Variants in CPQ observed in about 807,000 individuals in gnomAD.
CPQ encodes the protein carboxypeptidase Q, also known as Ser-Met dipeptidase.
Under a neutral mutation model 45.7 loss-of-function variants are expected in CPQ, and 37 were observed. The ratio of observed to expected loss-of-function variants is 0.81; its 90% CI spans 0.62 to 1.07. The LOEUF (loss-of-function observed/expected upper bound fraction) is 1.07. Ranked by LOEUF, CPQ falls within the 50% of genes least tolerant of loss-of-function variation. The probability of loss-of-function intolerance (pLI) is 0.00; values close to 1 mark genes in which losing one functional copy is unlikely to be tolerated. For missense variants in CPQ, 537 were observed against 572.9 expected, an observed-to-expected ratio of 0.94 and a Z score of 0.64; for synonymous variants, 186 against 205.8, an observed-to-expected ratio of 0.90 and a Z score of 0.82.
intron 7 of CPQ, among the ~76,000 whole-genome samples, chr8:97,108,307 C>A (rs1001505029): frequency 2.0e-5 from 3 of 152,194 alleles, no homozygotes; most frequent in African/African-American, 7.2e-5. Flanking sequence ...GCCATTTTCT[C>A]CTGACTTATG....
chr8:96,834,950 T>A (rs761275937), intron 2 of CPQ, 23 bp from the exon 3 acceptor site: 4 of 1,605,436 alleles, frequency 2.5e-6, no homozygotes, highest in Admixed American at 3.4e-5. Flanking sequence ...TGTAAGTTAA[T>A]CTTGCATGAC....
intron 1 of CPQ, among the ~76,000 whole-genome samples, chr8:96,676,624 G>T (rs990377863): frequency 6.6e-6 from 1 of 152,032 alleles, no homozygotes; most frequent in Non-Finnish European, 1.5e-5. Flanking sequence ...ACATGAAAAT[G>T]TAGGTATCCC....
chr8:97,069,713 T>G (rs1014512481), intron 7 of CPQ, among the ~76,000 whole-genome samples: 2 of 152,184 alleles, frequency 1.3e-5, no homozygotes, highest in Non-Finnish European at 2.9e-5. Context: ...AAATAATATT[T>G]CTAAACTCCA....
At chr8:96,771,109 ATATATT>A (rs1289567839) in intron 1 of CPQ, among the ~76,000 whole-genome samples, 1 of 146,358 alleles carries the variant, frequency 6.8e-6, no homozygotes, top group Non-Finnish European at 1.5e-5. Context: ...ATATAAATAT[ATATATT>A]TATATATTTT....
intron 3 of CPQ, among the ~76,000 whole-genome samples, chr8:96,853,942 G>C (rs1280761811): frequency 2.6e-5 from 4 of 152,174 alleles, no homozygotes; most frequent in Non-Finnish European, 5.9e-5. Flanking sequence ...AGGCCTCTGA[G>C]CCAGCCTAAT....
chr8:96,760,265 T>G (rs1256751181), intron 1 of CPQ, among the ~76,000 whole-genome samples: 1 of 152,206 alleles, frequency 6.6e-6, no homozygotes, highest in African/African-American at 2.4e-5. Flanking sequence ...GGACTAATAT[T>G]TACTGAATGC....
intron 1 of CPQ, among the ~76,000 whole-genome samples, chr8:96,706,807 A>AT (rs887436527): frequency 6.6e-5 from 10 of 152,038 alleles, no homozygotes; most frequent in East Asian, 5.8e-4. Context: ...GTCTTTCCAC[A>AT]TTTTTTTGCA....
chr8:97,120,262 C>T (rs2130605768), intron 7 of CPQ, among the ~76,000 whole-genome samples: 1 of 152,244 alleles, frequency 6.6e-6, no homozygotes, highest in South Asian at 2.1e-4. Context: ...AGGTGCAGCC[C>T]ATTTATAGAC....
At chr8:97,060,721 C>A (rs571760217) in intron 6 of CPQ, among the ~76,000 whole-genome samples, 4 of 152,144 alleles carry the variant, frequency 2.6e-5, no homozygotes, top group Admixed American at 6.6e-5. Flanking sequence ...TATCTTGTTA[C>A]ATGTGCTAAA....
chr8:96,837,770 A>G (rs868841433), intron 3 of CPQ, among the ~76,000 whole-genome samples: 1 of 151,760 alleles, frequency 6.6e-6, no homozygotes, highest in Non-Finnish European at 1.5e-5. Flanking sequence ...TTCAGTTTCA[A>G]TTTTTTTCAA....
At chr8:96,934,932 C>T (rs931254516) in intron 4 of CPQ, among the ~76,000 whole-genome samples, 3 of 152,180 alleles carry the variant, frequency 2.0e-5, no homozygotes, top group African/African-American at 7.2e-5. Flanking sequence ...ATGCAGCCTA[C>T]ATTTCTCTCT....
In CPQ at chr8:96,853,341, A is replaced by G. The variant is rs113026228; in HGVS notation, c.641+18161A>G. The stretch of plus-strand genomic sequence containing the variant: ...CATTATATTCTTAACATATTCTGAG[A>G]ACAGGAAGAGAAAGCTCAACCTTTA... On this transcript the variant is annotated intron_variant, in intron 3 of 7. Transcript: ENST00000220763. Among the ~76,000 whole-genome samples the G allele has an allele frequency of 7.8e-3, 1,185 of 152,328 alleles. 12 individuals carry two copies. The highest frequency in any genetic ancestry group is 0.027 in the African/African-American group (1,106 of 41,568).
intron 3 of CPQ, among the ~76,000 whole-genome samples, chr8:96,867,096 T>C (rs2130871328): frequency 6.6e-6 from 1 of 152,216 alleles, no homozygotes; most frequent in East Asian, 1.9e-4. Context: ...CTCCAAGACA[T>C]GTGAGAAGAA....
intron 1 of CPQ, among the ~76,000 whole-genome samples, chr8:96,726,292 T>A (rs79149680): frequency 0.042 from 6,431 of 152,228 alleles, 178 homozygotes; most frequent in Middle Eastern, 0.1. Flanking sequence ...GATTAATTCA[T>A]TCATGAATTA....
chr8:97,032,453 G>A (rs983107260), intron 6 of CPQ, among the ~76,000 whole-genome samples: 5 of 152,322 alleles, frequency 3.3e-5, no homozygotes, highest in Admixed American at 1.3e-4. Flanking sequence ...GTCCAACTGT[G>A]TGAGAGGCTA....
intron 4 of CPQ, among the ~76,000 whole-genome samples, chr8:96,951,030 A>G (rs1813256040): frequency 6.6e-6 from 1 of 152,156 alleles, no homozygotes; most frequent in South Asian, 2.1e-4. Context: ...GAAGGAATTT[A>G]TGGAGATTAA....
At position 96,937,640 on chromosome 8, in the gene CPQ, C is replaced by T. The variant is rs145824186; in HGVS notation, c.850-28295C>T. On this transcript the variant is annotated intron_variant, in intron 4 of 7. Transcript: ENST00000220763. ...AGCTCAGCCTGCACAGGGCTTGGGACGTGAGCTTTGTATGCACAGTGCAGT... is the reference window on the plus strand; with the variant it reads ...AGCTCAGCCTGCACAGGGCTTGGGATGTGAGCTTTGTATGCACAGTGCAGT... Among the ~76,000 whole-genome samples the T allele has an allele frequency of 1.7e-3, 266 of 152,206 alleles. 1 individual carries two copies. The highest frequency in any genetic ancestry group is 6.1e-3 in the African/African-American group (254 of 41,524).
chr8:97,134,974 T>G (rs964374401), intron 7 of CPQ, among the ~76,000 whole-genome samples: 1 of 152,170 alleles, frequency 6.6e-6, no homozygotes, highest in Non-Finnish European at 1.5e-5. Context: ...GATTAACTAG[T>G]CTTAGTTATT....
At chr8:96,963,432 G>C (rs80042605) in intron 4 of CPQ, among the ~76,000 whole-genome samples, 1 of 152,108 alleles carries the variant, frequency 6.6e-6, no homozygotes, top group African/African-American at 2.4e-5. Context: ...TAGTTTGGGG[G>C]ATTGTGCTTG....
Sources: allele counts gnomAD v4.1 joint callset (sites outside exome capture counted in the v4.1 genomes callset), GRCh38; gene constraint gnomAD v4.1.1; transcripts MANE v1.5; gene names NCBI Gene and HGNC (gene_info 2026-07-23, HGNC 2026-07-21).